The following SORCS2 variants were observed in gnomAD, a reference collection of about 807,000 sequenced individuals.
SORCS2 encodes the protein sortilin related VPS10 domain containing receptor 2.
A neutral mutation model predicts 141.6 loss-of-function variants in SORCS2; 100 were observed. That is an observed-to-expected ratio of 0.71 (90% CI 0.60 to 0.83). The LOEUF (loss-of-function observed/expected upper bound fraction) is 0.83. Among genes scored for constraint, SORCS2 ranks in the 40% least tolerant of loss-of-function variants. The pLI is 0.00. For synonymous variants in SORCS2, 789 were observed against 676.9 expected, an observed-to-expected ratio of 1.17 and a Z score of -2.57; for missense variants, 1,646 against 1,560.2, an observed-to-expected ratio of 1.05 and a Z score of -0.93.
intron 11 of SORCS2, among the ~76,000 whole-genome samples, chr4:7,689,793 G>T (rs142745384): frequency 5.7e-4 from 87 of 152,388 alleles, no homozygotes; most frequent in African/African-American, 2.0e-3. Context: ...TATGGTATGT[G>T]TTGGCAGAAT....
intron 1 of SORCS2, among the ~76,000 whole-genome samples, chr4:7,262,355 C>T (rs905509770): frequency 6.7e-6 from 1 of 150,256 alleles, no homozygotes; most frequent in Non-Finnish European, 1.5e-5. Flanking sequence ...TCCATCCATC[C>T]ATCCACCCAC....
chr4:7,381,986 C>A, intron 1 of SORCS2: 3 of 985,698 alleles, frequency 3.0e-6, no homozygotes, highest in Non-Finnish European at 3.6e-6. Flanking sequence ...CCAGAGGAAA[C>A]AGGCAGGTGA....
chr4:7,216,322 C>T (rs1577286142), intron 1 of SORCS2, among the ~76,000 whole-genome samples: 1 of 152,200 alleles, frequency 6.6e-6, no homozygotes, highest in Admixed American at 6.5e-5. Flanking sequence ...AGCACTGCTC[C>T]ACCTGGGGTC....
intron 1 of SORCS2, among the ~76,000 whole-genome samples, chr4:7,393,714 C>T (rs2109106135): frequency 6.6e-6 from 1 of 152,204 alleles, no homozygotes; most frequent in South Asian, 2.1e-4. Context: ...TCGTCGGTGG[C>T]AGGGCTGAAA....
chr4:7,393,643 A>G (rs905264346), intron 1 of SORCS2, among the ~76,000 whole-genome samples: 1 of 152,010 alleles, frequency 6.6e-6, no homozygotes, highest in African/African-American at 2.4e-5. Context: ...TCCTGGGGGC[A>G]TGGGGGCAGC....
At chr4:7,383,179 G>A (rs1723094791) in intron 1 of SORCS2, among the ~76,000 whole-genome samples, 1 of 152,090 alleles carries the variant, frequency 6.6e-6, no homozygotes, top group South Asian at 2.1e-4. Context: ...ATTTGGTACG[G>A]AGCTCAAGAG....
intron 1 of SORCS2, among the ~76,000 whole-genome samples, chr4:7,373,803 T>C (rs1722434027): frequency 6.6e-6 from 1 of 152,042 alleles, no homozygotes; most frequent in Non-Finnish European, 1.5e-5. Flanking sequence ...CTTTATATAT[T>C]CTGACTGCAA....
intron 2 of SORCS2, among the ~76,000 whole-genome samples, chr4:7,435,421 CAG>C (rs1174862923): frequency 6.6e-6 from 1 of 152,248 alleles, no homozygotes; most frequent in East Asian, 1.9e-4. Flanking sequence ...AACGTGGCCT[CAG>C]GGCCACGTGC....
Position 7,663,054 on chromosome 4 carries a change from TTGAG to T in SORCS2, c.953-1295_953-1292del, listed in dbSNP as rs1244248471. On this transcript the variant is annotated intron_variant, in intron 6 of 26. Transcript: ENST00000507866. This position sits in a 1 kb window ranked among gnomAD's most constrained non-coding sequence, Gnocchi z 4.8. ...AATAGGTGTGTGAGTGAAGGAATGA[TTGAG>T]TGAAAGAGTGGGTGAATGAGTGAGT... Among the ~76,000 whole-genome samples, 3 of 147,496 alleles carry T rather than the reference TTGAG, an allele frequency of 2.0e-5. No individual in the cohort carries two copies. Among genetic ancestry groups the T allele is most frequent in the Admixed American group, 6.7e-5 (1 of 14,848 alleles).
intron 2 of SORCS2, among the ~76,000 whole-genome samples, chr4:7,428,029 G>C (rs1318158877): frequency 6.6e-6 from 1 of 152,118 alleles, no homozygotes; most frequent in African/African-American, 2.4e-5. Flanking sequence ...GCTCTTCTGG[G>C]GGCACCCATC....
chr4:7,638,260 C>A (rs1375861303), intron 3 of SORCS2, 68 bp from the exon 4 acceptor site: 2 of 1,478,558 alleles, frequency 1.4e-6, no homozygotes, highest in African/African-American at 2.9e-5. Context: ...CCAGGCCTCA[C>A]AACACCTTTC....
intron 2 of SORCS2, among the ~76,000 whole-genome samples, chr4:7,428,397 C>G (rs942469263): frequency 6.6e-6 from 1 of 152,192 alleles, no homozygotes; most frequent in Non-Finnish European, 1.5e-5. Flanking sequence ...GTCTTGGTGA[C>G]AGGACTGTGG....
rs1014938030 is a variant in SORCS2, at chr4:7,741,005, C to T, written c.*741C>T. ...TCTCCCTGGTTCTCCCCAGGGCAGA[C>T]GGGGTAGGGCGGGCTCAGGACCCAG... is the stretch of plus-strand genomic sequence containing the variant. On this transcript the variant is annotated 3_prime_UTR_variant, in exon 27 of 27. Transcript: ENST00000507866. The T allele has an allele frequency of 1.1e-4, 44 of 398,586 alleles. No homozygotes were observed. The highest frequency in any genetic ancestry group is 3.2e-4 in the East Asian group (9 of 28,032). 24.7% of individuals were successfully genotyped at this position (398,586 alleles called of 1,614,324 possible).
At chr4:7,403,096 A>G (rs1024658066) in intron 2 of SORCS2, among the ~76,000 whole-genome samples, 2 of 152,098 alleles carry the variant, frequency 1.3e-5, no homozygotes, top group African/African-American at 4.8e-5. Flanking sequence ...CATGTCTCGA[A>G]GTGCAATTGT....
intron 2 of SORCS2, among the ~76,000 whole-genome samples, chr4:7,517,137 T>G (rs1733039004): frequency 6.6e-6 from 1 of 152,236 alleles, no homozygotes; most frequent in Non-Finnish European, 1.5e-5. Flanking sequence ...TTTAGGAGTT[T>G]TCTGATCAGA....
chr4:7,287,497 C>T (rs1472042907), intron 1 of SORCS2, among the ~76,000 whole-genome samples: 1 of 152,236 alleles, frequency 6.6e-6, no homozygotes, highest in African/African-American at 2.4e-5. Context: ...AGACGGGAAC[C>T]TTGTCTCTTT....
chr4:7,676,256 G>A, intron 9 of SORCS2, 27 bp downstream of exon 9: 1 of 1,545,100 alleles, frequency 6.5e-7, no homozygotes, highest in Non-Finnish European at 8.7e-7. Flanking sequence ...TGTGGGCCAG[G>A]TCTGCCGCCG....
At chr4:7,638,079 C>T (rs1438359282) in intron 3 of SORCS2, among the ~76,000 whole-genome samples, 1 of 151,810 alleles carries the variant, frequency 6.6e-6, no homozygotes, top group South Asian at 2.1e-4. Flanking sequence ...GAGGGTCTGG[C>T]CCAGACACTC....
At chr4:7,316,253 T>TCCATCCAC (rs1409006663) in intron 1 of SORCS2, among the ~76,000 whole-genome samples, 3 of 151,472 alleles carry the variant, frequency 2.0e-5, no homozygotes, top group African/African-American at 4.9e-5. Context: ...CATCCATCCA[T>TCCATCCAC]GCATCCATTC....
Sources: allele counts gnomAD v4.1 joint callset (sites outside exome capture counted in the v4.1 genomes callset), GRCh38; gene constraint gnomAD v4.1.1; non-coding constraint Gnocchi (gnomAD v3.1); transcripts MANE v1.5; gene names NCBI Gene and HGNC (gene_info 2026-07-23, HGNC 2026-07-21).